The following DGKG variants were observed in gnomAD, a reference collection of about 807,000 sequenced individuals.
The protein encoded by DGKG is diacylglycerol kinase gamma.
A neutral mutation model predicts 105.3 loss-of-function variants in DGKG; 78 were observed. The ratio of observed to expected loss-of-function variants is 0.74; its 90% confidence interval spans 0.62 to 0.89. The LOEUF is 0.89. Among genes scored for constraint, DGKG ranks in the 40% least tolerant of loss-of-function variants. The pLI, the probability that DGKG is intolerant of heterozygous loss-of-function variation, is 0.00. For synonymous variants in DGKG, 346 were observed against 367.1 expected, an observed-to-expected ratio of 0.94 and a Z score of 0.66; for missense variants, 958 against 1,020.1, an observed-to-expected ratio of 0.94 and a Z score of 0.83.
chr3:186,182,121 C>T (rs1248015082), intron 22 of DGKG, among the ~76,000 whole-genome samples: 1 of 152,210 alleles, frequency 6.6e-6, no homozygotes. Flanking sequence ...GGACAGCCAG[C>T]TCAGGTGGAA....
At chr3:186,338,402 C>G (rs1422723644) in intron 1 of DGKG, among the ~76,000 whole-genome samples, 1 of 152,114 alleles carries the variant, frequency 6.6e-6, no homozygotes, top group East Asian at 1.9e-4. Context: ...AAATCTTTGT[C>G]TATCTAAGCC....
intron 1 of DGKG, among the ~76,000 whole-genome samples, chr3:186,358,068 G>A (rs572198282): frequency 1.3e-5 from 2 of 152,318 alleles, no homozygotes; most frequent in Admixed American, 1.3e-4. Context: ...GCAGAATAAA[G>A]GTATGCTGAA....
intron 2 of DGKG, among the ~76,000 whole-genome samples, chr3:186,316,767 C>G (rs1724838205): frequency 6.6e-6 from 1 of 152,182 alleles, no homozygotes; most frequent in Non-Finnish European, 1.5e-5. Context: ...ACCTGGTAAC[C>G]CCACTGGAGA....
intron 5 of DGKG, among the ~76,000 whole-genome samples, chr3:186,290,194 T>C (rs1293320032): frequency 1.3e-5 from 2 of 152,126 alleles, no homozygotes; most frequent in Non-Finnish European, 2.9e-5. Context: ...CAAGAAGATA[T>C]CACCTCTATT....
At chr3:186,356,762 G>C (rs1289734484) in intron 1 of DGKG, among the ~76,000 whole-genome samples, 1 of 152,202 alleles carries the variant, frequency 6.6e-6, no homozygotes, top group Non-Finnish European at 1.5e-5. Context: ...GCGTTGGCCA[G>C]GGATTTGAGA....
intron 2 of DGKG, among the ~76,000 whole-genome samples, chr3:186,309,991 G>A (rs1407347385): frequency 5.3e-5 from 8 of 151,102 alleles, no homozygotes; most frequent in South Asian, 2.1e-4. Flanking sequence ...AAACACAGCC[G>A]GGCGCGGTGG....
intron 21 of DGKG, among the ~76,000 whole-genome samples, chr3:186,207,928 T>G (rs142963234): frequency 6.6e-6 from 1 of 152,384 alleles, no homozygotes; most frequent in Non-Finnish European, 1.5e-5. Flanking sequence ...GTTGGCCCAG[T>G]TGGCCACAAG....
At chr3:186,344,812 C>A (rs984061748) in intron 1 of DGKG, among the ~76,000 whole-genome samples, 1 of 152,024 alleles carries the variant, frequency 6.6e-6, no homozygotes, top group Non-Finnish European at 1.5e-5. Flanking sequence ...ACTATTTTTG[C>A]TTTGAGGAAC....
chr3:186,299,767 C>CTCTCTCTTTCTT, intron 3 of DGKG, among the ~76,000 whole-genome samples: 1 of 95,550 alleles, frequency 1.0e-5, no homozygotes, highest in East Asian at 3.5e-4. Flanking sequence ...TTCTTCTTTT[C>CTCTCTCTTTCTT]TCTTTCTTTC....
chr3:186,359,328 G>T (rs1182320995), intron 1 of DGKG, among the ~76,000 whole-genome samples: 3 of 152,138 alleles, frequency 2.0e-5, no homozygotes, highest in Non-Finnish European at 2.9e-5. Context: ...TAAAGACTTT[G>T]CCCAGAGTTA....
intron 1 of DGKG, among the ~76,000 whole-genome samples, chr3:186,334,532 G>T (rs35854077): frequency 6.6e-6 from 1 of 152,322 alleles, no homozygotes; most frequent in East Asian, 1.9e-4. Flanking sequence ...CTCATGCCTA[G>T]CCCAGACAAT....
At chr3:186,228,579 C>A (rs556062441) in intron 20 of DGKG, among the ~76,000 whole-genome samples, 2 of 152,172 alleles carry the variant, frequency 1.3e-5, no homozygotes, top group East Asian at 1.9e-4. Flanking sequence ...CTGCTCCCCC[C>A]GCCTTTTCAC....
At chr3:186,320,280 G>T in intron 2 of DGKG, 113 bp downstream of exon 2, 1 of 1,291,056 alleles carries the variant, frequency 7.7e-7, no homozygotes, top group South Asian at 1.4e-5. Context: ...TAAGCCGTCA[G>T]GCCTGACATC....
intron 24 of DGKG, among the ~76,000 whole-genome samples, chr3:186,152,756 C>T (rs1427095457): frequency 3.3e-5 from 5 of 152,258 alleles, no homozygotes; most frequent in Non-Finnish European, 4.4e-5. Flanking sequence ...CTCCACCTCC[C>T]AGGTTCAAGC....
intron 1 of DGKG, among the ~76,000 whole-genome samples, chr3:186,342,789 T>A (rs1445804567): frequency 1.3e-5 from 2 of 152,108 alleles, no homozygotes; most frequent in African/African-American, 2.4e-5. Flanking sequence ...TATGATTAGA[T>A]GAGATTCTGG....
At chr3:186,318,513 A>G (rs535927479) in intron 2 of DGKG, among the ~76,000 whole-genome samples, 9 of 152,280 alleles carry the variant, frequency 5.9e-5, no homozygotes, top group Non-Finnish European at 1.3e-4. Flanking sequence ...CCATCCCTCA[A>G]TAACTCAGGA....
At position 186,319,957 on chromosome 3, in the gene DGKG, G is replaced by A. The variant is rs556831764; in HGVS notation, c.67+436C>T. 4.9e-4 allele frequency among the ~76,000 whole-genome samples: 74 copies of A among 152,364 alleles called. No individual in the cohort carries two copies. In the South Asian group the frequency reaches 8.1e-3, roughly 17 times the overall value. On this transcript the variant is annotated intron_variant, in intron 2 of 24. Coordinates refer to ENST00000265022, the MANE Select transcript of DGKG (RefSeq NM_001346.3). Reference sequence around the variant, plus strand: ...CTACAGTAAACGATTGAGTAACATTGTAGCCATGCAGCATGCAGCCCTTCA... The same window carrying A: ...CTACAGTAAACGATTGAGTAACATTATAGCCATGCAGCATGCAGCCCTTCA...
intron 6 of DGKG, among the ~76,000 whole-genome samples, chr3:186,286,262 C>T (rs1279582259): frequency 1.3e-5 from 2 of 152,162 alleles, no homozygotes; most frequent in South Asian, 2.1e-4. Context: ...AGGCATGCAT[C>T]GTATGCTGCT....
intron 11 of DGKG, among the ~76,000 whole-genome samples, chr3:186,272,006 A>C (rs1722339054): frequency 6.6e-6 from 1 of 152,194 alleles, no homozygotes; most frequent in African/African-American, 2.4e-5. Context: ...TAGACAGCAT[A>C]GTTCTTGAGC....
Sources: gnomAD v4.1 joint callset for allele counts (sites outside exome capture counted in the v4.1 genomes callset) on GRCh38, gnomAD v4.1.1 for gene constraint, MANE v1.5 for transcripts, NCBI Gene and HGNC (gene_info 2026-07-23, HGNC 2026-07-21) for gene names.